PCDH7: variants seen among roughly 807,000 people sequenced by gnomAD.
PCDH7 encodes protocadherin-7.
PCDH7 carries 17 observed loss-of-function variants against 58.9 expected under a neutral mutation model. That is an observed-to-expected ratio of 0.29 (90% CI 0.20 to 0.43). PCDH7 has a LOEUF of 0.43. Ranked by LOEUF, PCDH7 falls within the 20% of genes least tolerant of loss-of-function variation. The pLI, the probability that PCDH7 is intolerant of heterozygous loss-of-function variation, is 1.00. For synonymous variants in PCDH7, 664 were observed against 616.4 expected (o/e 1.08, Z -1.14); for missense variants, 1,274 against 1,441.0 (o/e 0.88, Z 1.88).
At chr4:31,143,183 C>T (rs549020578), downstream of PCDH7, 36 of 188,030 alleles carry the variant, frequency 1.9e-4, no homozygotes, top group Non-Finnish European at 3.1e-4. Context: ...AGTAACTGTA[C>T]GAAGCCTGAT....
At chr4:30,995,329 G>A (rs1203831522) in intron 3 of PCDH7, among the ~76,000 whole-genome samples, 4 of 151,988 alleles carry the variant, frequency 2.6e-5, no homozygotes, top group Admixed American at 1.3e-4. Flanking sequence ...TGGCTAACAC[G>A]GTGAAACCCT....
intron 3 of PCDH7, among the ~76,000 whole-genome samples, chr4:30,954,346 C>T (rs989112883): frequency 1.3e-5 from 2 of 152,050 alleles, no homozygotes; most frequent in African/African-American, 4.8e-5. Flanking sequence ...TAATGAAAGT[C>T]TTCCATATGG....
At chr4:31,138,032 C>G (rs535621037) in intron 3 of PCDH7, among the ~76,000 whole-genome samples, 165 of 152,202 alleles carry the variant, frequency 1.1e-3, no homozygotes, top group African/African-American at 3.5e-3. Context: ...CTTAATGAGT[C>G]TACTGTGCTC....
rs149369291 is a variant in PCDH7 at position 31,065,272 on chromosome 4, G to A, written c.*8-77201G>A. 4.5e-3 allele frequency among the ~76,000 whole-genome samples: 684 copies of A among 152,034 alleles called. 9 individuals carry two copies. Among genetic ancestry groups the A allele is most frequent in the African/African-American group, 0.016 (666 of 41,514 alleles). ...CTAGTGTACTTAGCTCTGAGTCGTC[G>A]TAACATCCAGGAGAGCAATTCTTCG... On this transcript the variant is annotated intron_variant, in intron 3 of 3. Coordinates refer to the PCDH7 transcript ENST00000509759.
At chr4:30,751,488 T>G (rs879597124) in intron 1 of PCDH7, among the ~76,000 whole-genome samples, 3 of 152,180 alleles carry the variant, frequency 2.0e-5, no homozygotes, top group Non-Finnish European at 2.9e-5. Context: ...TCTTATATCA[T>G]TATCTTTTAG....
chr4:30,922,179 T>C (rs73812677), intron 2 of PCDH7, among the ~76,000 whole-genome samples: 2,127 of 151,636 alleles, frequency 0.014, 43 homozygotes, highest in African/African-American at 0.049. Context: ...ATTACTTATA[T>C]GTACATATGT....
intron 1 of PCDH7, among the ~76,000 whole-genome samples, chr4:30,779,117 T>C (rs1435284921): frequency 6.8e-6 from 1 of 147,506 alleles, no homozygotes; most frequent in African/African-American, 2.5e-5. Context: ...GCCTCCCGGG[T>C]TGAAGCGATT....
intron 3 of PCDH7, among the ~76,000 whole-genome samples, chr4:31,098,702 T>C (rs1321264288): frequency 6.6e-6 from 1 of 152,212 alleles, no homozygotes; most frequent in Non-Finnish European, 1.5e-5. Flanking sequence ...CAATCTCTTC[T>C]GCCTCTGACA....
rs146317333 is a variant in PCDH7 at position 30,985,058 on chromosome 4, G to A, written c.*7+34843G>A. ...CTCCGCTCACTGCAACCTCCGCCTC[G>A]CGGGTTCAAATGATTCTCCTGCCCA... is the stretch of plus-strand genomic sequence containing the variant. On this transcript the variant is annotated intron_variant, in intron 3 of 3. Coordinates refer to the PCDH7 transcript ENST00000509759. 2.5e-3 allele frequency among the ~76,000 whole-genome samples: 381 copies of A among 152,178 alleles called. 1 individual carries two copies. Among genetic ancestry groups the A allele is most frequent in the African/African-American group, 8.0e-3 (333 of 41,512 alleles).
At chr4:30,822,038 A>C (rs1157331332) in intron 1 of PCDH7, among the ~76,000 whole-genome samples, 1 of 152,150 alleles carries the variant, frequency 6.6e-6, no homozygotes, top group Non-Finnish European at 1.5e-5. Context: ...ACTGGTGACC[A>C]CAAACGATCG....
At chr4:31,076,312 A>C (rs191899303) in intron 3 of PCDH7, among the ~76,000 whole-genome samples, 24 of 152,370 alleles carry the variant, frequency 1.6e-4, no homozygotes, top group Admixed American at 1.3e-3. Context: ...CTTTATCAAA[A>C]GAGATTATTT....
intron 3 of PCDH7, among the ~76,000 whole-genome samples, chr4:31,081,945 G>A (rs1294249969): frequency 6.6e-6 from 1 of 151,982 alleles, no homozygotes; most frequent in East Asian, 1.9e-4. Flanking sequence ...GCTAATTTTT[G>A]TAATTTTAGT....
At chr4:30,895,067 T>C (rs1235390031) in intron 1 of PCDH7, among the ~76,000 whole-genome samples, 1 of 151,844 alleles carries the variant, frequency 6.6e-6, no homozygotes, top group Non-Finnish European at 1.5e-5. Context: ...CTTTACGAAA[T>C]TTTAAATGAA....
intron 3 of PCDH7, among the ~76,000 whole-genome samples, chr4:31,120,853 C>T (rs1717609446): frequency 1.3e-5 from 2 of 152,122 alleles, no homozygotes; most frequent in Admixed American, 6.5e-5. Flanking sequence ...TTTTAACCCT[C>T]TGGGAAATGA....
intron 2 of PCDH7, among the ~76,000 whole-genome samples, chr4:30,942,260 A>G (rs1746132423): frequency 6.6e-6 from 1 of 151,946 alleles, no homozygotes; most frequent in Non-Finnish European, 1.5e-5. Flanking sequence ...TGCTCTTCTT[A>G]TAACTTAATC....
chr4:30,851,680 C>T (rs1326414855), intron 1 of PCDH7, among the ~76,000 whole-genome samples: 2 of 152,022 alleles, frequency 1.3e-5, no homozygotes, highest in African/African-American at 4.8e-5. Context: ...CTTATTCTAC[C>T]TTCTCTTCAT....
chr4:31,056,463 A>C (rs1437060744), intron 3 of PCDH7, among the ~76,000 whole-genome samples: 1 of 105,442 alleles, frequency 9.5e-6, no homozygotes, highest in African/African-American at 3.4e-5. Flanking sequence ...AGAAAGAAGA[A>C]AGAAAGAAAG....
intron 1 of PCDH7, chr4:30,885,222 A>T (rs536823980): frequency 6.6e-6 from 1 of 152,298 alleles, no homozygotes; most frequent in East Asian, 1.9e-4. Context: ...CCTTTGTTAC[A>T]TTTTGATTAA....
At chr4:30,781,725 G>A (rs886210654) in intron 1 of PCDH7, among the ~76,000 whole-genome samples, 1 of 151,524 alleles carries the variant, frequency 6.6e-6, no homozygotes, top group Non-Finnish European at 1.5e-5. Context: ...CAGTAGAAAC[G>A]GTGTTTCTCC....
Sources: allele counts gnomAD v4.1 joint callset (sites outside exome capture counted in the v4.1 genomes callset), GRCh38; gene constraint gnomAD v4.1.1; transcripts MANE v1.5; gene names NCBI Gene and HGNC (gene_info 2026-07-23, HGNC 2026-07-21).